Variants in WASHC4 observed in about 807,000 individuals in gnomAD.
The protein encoded by WASHC4 is WASH complex subunit 7.
Under a neutral mutation model 166.6 loss-of-function variants are expected in WASHC4, and 86 were observed. The ratio of observed to expected loss-of-function variants is 0.52; its 90% CI spans 0.43 to 0.62. The LOEUF (loss-of-function observed/expected upper bound fraction) is 0.62. Ranked by LOEUF, WASHC4 falls within the 20% of genes least tolerant of loss-of-function variation. The pLI is 0.00. For missense variants in WASHC4, 1,262 were observed against 1,382.4 expected, an observed-to-expected ratio of 0.91 and a Z score of 1.38; for synonymous variants, 446 against 451.6, an observed-to-expected ratio of 0.99 and a Z score of 0.16.
intron 16 of WASHC4, among the ~76,000 whole-genome samples, chr12:105,140,626 C>T (rs1330157271): frequency 6.6e-6 from 1 of 152,138 alleles, no homozygotes; most frequent in Non-Finnish European, 1.5e-5. Context: ...TCTAAAAAGA[C>T]ATTGCACTTT....
intron 1 of WASHC4, among the ~76,000 whole-genome samples, chr12:105,108,148 C>G (rs1879264530): frequency 6.6e-6 from 1 of 152,164 alleles, no homozygotes; most frequent in Admixed American, 6.5e-5. Flanking sequence ...TCAGCTGCCC[C>G]GGGGCTTGGG....
At chr12:105,146,733 A>T (rs1566020507) in intron 23 of WASHC4, among the ~76,000 whole-genome samples, 1 of 151,214 alleles carries the variant, frequency 6.6e-6, no homozygotes, top group African/African-American at 2.4e-5. Flanking sequence ...TGGATTTCAG[A>T]TTTTTTTTTG....
At chr12:105,121,718 G>T (rs997490435) in intron 9 of WASHC4, among the ~76,000 whole-genome samples, 1 of 152,128 alleles carries the variant, frequency 6.6e-6, no homozygotes, top group Non-Finnish European at 1.5e-5. Context: ...ATGTTGGCCA[G>T]GATGGTCTCC....
intron 15 of WASHC4, among the ~76,000 whole-genome samples, chr12:105,140,036 T>A (rs990872178): frequency 6.6e-6 from 1 of 151,950 alleles, no homozygotes; most frequent in Non-Finnish European, 1.5e-5. Flanking sequence ...CATGCCCGGC[T>A]AATTTTTGTA....
At chr12:105,154,622 TGA>T (rs1884006398) in intron 26 of WASHC4, among the ~76,000 whole-genome samples, 1 of 152,238 alleles carries the variant, frequency 6.6e-6, no homozygotes, top group African/African-American at 2.4e-5. Context: ...TTCTAGGTGC[TGA>T]TGATATTTAT....
intron 5 of WASHC4, 100 bp from the exon 6 acceptor site, chr12:105,115,561 A>T: frequency 1.2e-6 from 1 of 822,056 alleles, no homozygotes; most frequent in Non-Finnish European, 2.1e-6. Flanking sequence ...GCAGAGTAAA[A>T]GATGTCCTAA....
rs200170294 is a variant in WASHC4, at chr12:105,111,226, G to A, written c.163G>A (p.Asp55Asn). 8.1e-5 allele frequency: 130 copies of A among 1,609,930 alleles called. No homozygotes were observed. The Middle Eastern group carries it at 8.3e-4, about 10-fold the overall frequency. Residue 55 changes from aspartate to asparagine, a missense_variant, in exon 2 of 33, where the codon GAT (aspartate) becomes AAT (asparagine). Physicochemically the swap from Asp to Asn is conservative, Grantham distance 23. Transcript: ENST00000332180. ...IEDALDDSIG[D>N]VWDFNLDPIA... ...GGACGCTCTGGATGACTCAATTGGA[G>A]ATGTTTGGGATTTCAATCTTGATCC...
Position 105,144,365 on chromosome 12 carries a change from C to G in WASHC4, c.2089C>G (p.Arg697Gly). The part of the protein sequence containing the change: ...SVHTHLKLDD[R>G]NPFKVGMKDL... ...GCATACTCATTTAAAGCTGGATGAC[C>G]GAAACCCTTTCAAAGTTGGCATGAA... The change falls in exon 21 of 33, where the codon CGA (arginine) becomes GGA (glycine). Residue 697 changes from arginine to glycine, a missense_variant. Transcript: ENST00000332180. The G allele has an allele frequency of 6.2e-7, 1 of 1,613,192 alleles. No homozygotes were observed. Among genetic ancestry groups the G allele is most frequent in the Non-Finnish European group, 8.5e-7 (1 of 1,179,318 alleles).
chr12:105,120,749 T>G (rs1430293543), intron 8 of WASHC4, 152 bp downstream of exon 8: 1 of 678,822 alleles, frequency 1.5e-6, no homozygotes, highest in East Asian at 2.7e-5. Flanking sequence ...TTTGTTCTCT[T>G]TCATCTGTGA....
intron 6 of WASHC4, 31 bp from the exon 7 acceptor site, chr12:105,118,415 T>G (rs1034889741): frequency 6.8e-7 from 1 of 1,462,890 alleles, no homozygotes. Flanking sequence ...AAAGAGTAAC[T>G]TTATAATATA....
At chr12:105,121,329 G>C (rs1404181340) in intron 9 of WASHC4, 125 bp downstream of exon 9, 4 of 673,808 alleles carry the variant, frequency 5.9e-6, no homozygotes, top group Non-Finnish European at 1.0e-5. Flanking sequence ...TTTAGAAGGA[G>C]CTCATATCAA....
intron 24 of WASHC4, 52 bp from the exon 25 acceptor site, chr12:105,149,563 G>A: frequency 8.4e-7 from 1 of 1,194,468 alleles, no homozygotes. Flanking sequence ...GAATTGATTT[G>A]AATTAATTTT....
Position 105,133,830 on chromosome 12 carries a change from G to A in WASHC4, c.1260G>A (p.Leu420=). ...SSWMMKMESI[L]SKEQRMDKFA... is the part of the protein sequence containing the mutation. ...GGATGATGAAAATGGAATCTATTTT[G>A]TCTAAAGAGCAGAGAATGGATAAAT... is the stretch of plus-strand genomic sequence containing the variant. The change falls in exon 14 of 33, where the codon TTG becomes TTA. Residue 420 remains leucine (L), a synonymous_variant. Transcript: ENST00000332180. The A allele has an allele frequency of 1.2e-6, 2 of 1,611,284 alleles. No homozygotes were observed. The highest frequency in any genetic ancestry group is 1.7e-6 in the Non-Finnish European group (2 of 1,177,784).
chr12:105,122,024 T>A (rs892585341), intron 9 of WASHC4, 94 bp from the exon 10 acceptor site: 7 of 855,240 alleles, frequency 8.2e-6, no homozygotes, highest in Non-Finnish European at 1.3e-5. Context: ...ACAAGAAATA[T>A]AAATATAAAA....
chr12:105,148,071 G>C, intron 24 of WASHC4: 1 of 985,268 alleles, frequency 1.0e-6, no homozygotes, highest in Non-Finnish European at 1.2e-6. Flanking sequence ...TGCTTAAGTA[G>C]TACAGTATTA....
Position 105,159,894 on chromosome 12 carries a change from A to G in WASHC4, c.2913-107A>G, listed in dbSNP as rs537268263. On this transcript the variant is annotated intron_variant, in intron 28 of 32. Coordinates refer to ENST00000332180, the MANE Select transcript of WASHC4 (RefSeq NM_015275.3). Reference sequence around the variant, plus strand: ...GAAAATTTTCTTAGAAGTGTCTTACAGTGTTTCCTGCTTTTCAAGTGTTCT... The same window carrying G: ...GAAAATTTTCTTAGAAGTGTCTTACGGTGTTTCCTGCTTTTCAAGTGTTCT... The G allele has an allele frequency of 1.9e-4, 185 of 997,934 alleles. 1 individual carries two copies. The African/African-American group carries it at 2.8e-3, about 15-fold the overall frequency. The allele number at this position is 997,934 out of a possible 1,614,324, so 61.8% of individuals were successfully genotyped here.
At position 105,164,095 on chromosome 12, in the gene WASHC4, T is replaced by C; in HGVS notation, c.3158-16T>C. ...TACTCACTGTAATTTAACCTTAGTT[T>C]TGCTTATGCCTGCAGGTGTGGCTTA... On this transcript the variant is annotated splice_polypyrimidine_tract_variant and intron_variant, in intron 30 of 32. Transcript: ENST00000332180. 6.2e-7 allele frequency: 1 copy of C among 1,613,522 alleles called. No individual in the cohort carries two copies. Among genetic ancestry groups the C allele is most frequent in the Non-Finnish European group, 8.5e-7 (1 of 1,179,464 alleles).
Position 105,149,599 on chromosome 12 carries a change from A to T in WASHC4, c.2515-16A>T. On this transcript the variant is annotated splice_polypyrimidine_tract_variant and intron_variant, in intron 24 of 32. Transcript: ENST00000332180. ...TATATTAACTTTTTTCAACTTTTTG[A>T]ATTTTAATTTTATAGGTTAATTTCA... is the stretch of plus-strand genomic sequence containing the variant. 2.2e-6 allele frequency: 3 copies of T among 1,379,100 alleles called. No homozygotes were observed. Among genetic ancestry groups the T allele is most frequent in the Non-Finnish European group, 3.1e-6 (3 of 980,952 alleles). 85.4% of individuals were successfully genotyped at this position (1,379,100 alleles called of 1,614,324 possible). A position where few individuals can be genotyped will look rare whatever the true frequency, so the allele number is the denominator to read the frequency against.
chr12:105,124,098 A>G (rs769058751), intron 10 of WASHC4, among the ~76,000 whole-genome samples: 3 of 151,442 alleles, frequency 2.0e-5, no homozygotes, highest in East Asian at 1.9e-4. Context: ...TTAATATACT[A>G]TAGTATAGTG....
Sources: gnomAD v4.1 joint callset for allele counts (sites outside exome capture counted in the v4.1 genomes callset) on GRCh38, gnomAD v4.1.1 for gene constraint, MANE v1.5 for transcripts, NCBI Gene and HGNC (gene_info 2026-07-23, HGNC 2026-07-21) for gene names.